The following WNT5B variants were observed in gnomAD, a reference collection of about 807,000 sequenced individuals.
WNT5B encodes the protein Wnt family member 5B.
WNT5B carries 18 observed loss-of-function variants against 36.5 expected under a neutral mutation model. The observed-to-expected ratio is 0.49, with a 90% confidence interval of 0.34 to 0.73. WNT5B has a LOEUF of 0.73. WNT5B is among the 30% of genes least tolerant of loss of function. WNT5B has a pLI of 0.01. For synonymous variants in WNT5B, 213 were observed against 212.3 expected (o/e 1.00, Z -0.03); for missense variants, 424 against 508.4 (o/e 0.83, Z 1.60).
At chr12:1,626,367 A>G (rs1300154130), upstream of WNT5B, among the ~76,000 whole-genome samples, 2 of 148,296 alleles carry the variant, frequency 1.3e-5, no homozygotes, top group Non-Finnish European at 3.0e-5. Flanking sequence ...GAGTTCAAGC[A>G]ATTCTCCTGC....
chr12:1,623,184 G>GGTTT (rs1272170104), intron 1 of WNT5B, among the ~76,000 whole-genome samples: 2 of 53,492 alleles, frequency 3.7e-5, no homozygotes, highest in African/African-American at 1.5e-4. Flanking sequence ...AGGGTTTTTT[G>GGTTT]TTGTTTTTTT....
At chr12:1,637,403 AGG>A (rs2094563851) in intron 3 of WNT5B, among the ~76,000 whole-genome samples, 1 of 135,304 alleles carries the variant, frequency 7.4e-6, no homozygotes, top group African/African-American at 3.1e-5. Context: ...TAATGTGAAT[AGG>A]CAATAAAGTG....
At chr12:1,620,274 T>C (rs1471558073) in intron 1 of WNT5B, among the ~76,000 whole-genome samples, 1 of 152,192 alleles carries the variant, frequency 6.6e-6, no homozygotes, top group East Asian at 1.9e-4. Context: ...TCTTTATGGC[T>C]TAACCACCAA....
intron 4 of WNT5B, among the ~76,000 whole-genome samples, chr12:1,643,981 T>C (rs1489443660): frequency 1.3e-5 from 2 of 152,152 alleles, no homozygotes; most frequent in East Asian, 3.9e-4. Flanking sequence ...AGGGTCTTGC[T>C]CCGACTCTCC....
chr12:1,636,511 AT>A, intron 3 of WNT5B, among the ~76,000 whole-genome samples: 1 of 46,354 alleles, frequency 2.2e-5, no homozygotes, highest in Admixed American at 2.6e-4. Context: ...ATATATATAT[AT>A]ATATATATAT....
chr12:1,624,317 G>A (rs577621218), upstream of WNT5B, among the ~76,000 whole-genome samples: 10 of 150,820 alleles, frequency 6.6e-5, no homozygotes, highest in Non-Finnish European at 8.8e-5. Context: ...ATCGGGAGGC[G>A]GAGGTTGCAG....
intron 3 of WNT5B, among the ~76,000 whole-genome samples, chr12:1,638,587 A>G (rs2094566714): frequency 6.6e-6 from 1 of 152,184 alleles, no homozygotes; most frequent in Non-Finnish European, 1.5e-5. Context: ...CAGACATTTT[A>G]CTGAAATAGA....
chr12:1,637,286 C>T (rs1257327991), intron 3 of WNT5B, among the ~76,000 whole-genome samples: 3 of 152,058 alleles, frequency 2.0e-5, no homozygotes, highest in Non-Finnish European at 2.9e-5. Context: ...TTCCTATGTC[C>T]ATTTTTGTGT....
At position 1,632,947 on chromosome 12, in the gene WNT5B, T is replaced by A; in HGVS notation, c.328+42T>A. On this transcript the variant is annotated intron_variant, in intron 3 of 4. Transcript: ENST00000397196. This position sits in a 1 kb window ranked among gnomAD's most constrained non-coding sequence, Gnocchi z 5.8. ...AGAGGGCTCGGCCAAGGAACTGCAC[T>A]CGTCTCGTTTGGGAGCAATTAAGCT... is the stretch of plus-strand genomic sequence containing the variant. 6.4e-7 allele frequency: 1 copy of A among 1,564,862 alleles called. No homozygotes were observed. The highest frequency in any genetic ancestry group is 8.7e-7 in the Non-Finnish European group (1 of 1,150,828).
intron 1 of WNT5B, among the ~76,000 whole-genome samples, chr12:1,623,947 T>C (rs181211901): frequency 6.6e-6 from 1 of 152,324 alleles, no homozygotes; most frequent in Admixed American, 6.5e-5. Flanking sequence ...CACAAGGCTG[T>C]GTGTGTATCT....
In WNT5B at chr12:1,630,724, T is replaced by C. The variant is rs2154439534; in HGVS notation, c.-57-574T>C. 6.6e-6 allele frequency: 1 copy of C among 152,402 alleles called. No individual in the cohort carries two copies. The highest frequency in any genetic ancestry group is 3.4e-3 in the Middle Eastern group (1 of 294). 9.4% of individuals were successfully genotyped at this position (152,402 alleles called of 1,614,324 possible). ...GAGAAAGTGAAAAGTCCTTGATCTG[T>C]ACGCAGGGGTTGGGACTTAGGAAAC... On this transcript the variant is annotated intron_variant, in intron 1 of 4. Transcript: ENST00000397196. The surrounding 1 kb of genome is among the most constrained non-coding windows in gnomAD (Gnocchi z 5.3).
chr12:1,621,912 T>C (rs1033208910), intron 1 of WNT5B, among the ~76,000 whole-genome samples: 4 of 152,134 alleles, frequency 2.6e-5, no homozygotes, highest in Non-Finnish European at 4.4e-5. Flanking sequence ...GTGGAAATTA[T>C]TGAAGTCCTC....
chr12:1,629,238 G>A lies in WNT5B; in HGVS notation c.-191G>A, dbSNP rs2094545671. 1 of 152,226 alleles carries A rather than the reference G, an allele frequency of 6.6e-6. No individual in the cohort carries two copies. The highest frequency in any genetic ancestry group is 1.5e-5 in the Non-Finnish European group (1 of 68,114). 9.4% of individuals were successfully genotyped at this position (152,226 alleles called of 1,614,324 possible). A position where few individuals can be genotyped will look rare whatever the true frequency, so the allele number is the denominator to read the frequency against. ...TCAGCCTGTCCTGGGGGCAGTCACA[G>A]CCACAGTGACCATTAGCAGGCACCC... On this transcript the variant is annotated 5_prime_UTR_variant, in exon 1 of 5. Coordinates refer to ENST00000397196, the MANE Select transcript of WNT5B (RefSeq NM_032642.3).
At chr12:1,639,637 C>G in intron 3 of WNT5B, 47 bp from the exon 4 acceptor site, 2 of 1,447,172 alleles carry the variant, frequency 1.4e-6, no homozygotes, top group South Asian at 1.4e-5. Flanking sequence ...GACAGGTCCC[C>G]GGGAGAGGAG....
intron 1 of WNT5B, 96 bp downstream of exon 1, chr12:1,629,467 G>A (rs1418627292): frequency 6.5e-6 from 1 of 152,738 alleles, no homozygotes; most frequent in Non-Finnish European, 1.5e-5. Context: ...AGTCCCCAGG[G>A]AGAGTAGGTG....
At chr12:1,640,286 G>A (rs1008469453) in intron 4 of WNT5B, among the ~76,000 whole-genome samples, 5 of 152,192 alleles carry the variant, frequency 3.3e-5, no homozygotes, top group Admixed American at 6.6e-5. Flanking sequence ...GATTAGAGCA[G>A]CGCTCTTGTC....
At position 1,644,034 on chromosome 12, in the gene WNT5B, T is replaced by C. The variant is rs1201057503; in HGVS notation, c.622-1760T>C. On this transcript the variant is annotated intron_variant, in intron 4 of 4. Transcript: ENST00000397196. This position sits in a 1 kb window ranked among gnomAD's most constrained non-coding sequence, Gnocchi z 5.1. ...AGTGTTTGCCCCTGCAAGAGATGCT[T>C]ATCCGTGCTCCGAGTTGCTAAGTGG... Among the ~76,000 whole-genome samples the C allele has an allele frequency of 6.6e-6, 1 of 152,144 alleles. No homozygotes were observed. The highest frequency in any genetic ancestry group is 6.5e-5 in the Admixed American group (1 of 15,270).
At chr12:1,622,180 G>A (rs556093870) in intron 1 of WNT5B, among the ~76,000 whole-genome samples, 13 of 147,768 alleles carry the variant, frequency 8.8e-5, no homozygotes, top group South Asian at 8.5e-4. Context: ...GCGTGATCTC[G>A]GCTCACTGCA....
upstream of WNT5B, among the ~76,000 whole-genome samples, chr12:1,628,838 C>G (rs2094544710): frequency 6.8e-6 from 1 of 146,666 alleles, no homozygotes; most frequent in African/African-American, 2.5e-5. Flanking sequence ...AGCTGCCTGG[C>G]TTCAGTTCTA....
Sources: gnomAD v4.1 joint callset for allele counts (sites outside exome capture counted in the v4.1 genomes callset) on GRCh38, gnomAD v4.1.1 for gene constraint, Gnocchi (gnomAD v3.1) non-coding constraint, MANE v1.5 for transcripts, NCBI Gene and HGNC (gene_info 2026-07-23, HGNC 2026-07-21) for gene names.